Variants in AFF1 observed in about 807,000 individuals in gnomAD.
AFF1 encodes AF4/FMR2 family member 1.
Under a neutral mutation model 121.7 loss-of-function variants are expected in AFF1, and 48 were observed. The observed-to-expected ratio is 0.39, with a 90% confidence interval of 0.31 to 0.50. AFF1 has a LOEUF of 0.50. Ranked by LOEUF, AFF1 falls within the 20% of genes least tolerant of loss-of-function variation. The pLI, the probability that AFF1 is intolerant of heterozygous loss-of-function variation, is 0.76. For synonymous variants in AFF1, 613 were observed against 563.0 expected (o/e 1.09, Z -1.26); for missense variants, 1,523 against 1,511.7 (o/e 1.01, Z -0.12).
At chr4:87,037,442 G>A (rs1729677966) in intron 2 of AFF1, among the ~76,000 whole-genome samples, 1 of 152,108 alleles carries the variant, frequency 6.6e-6, no homozygotes, top group Non-Finnish European at 1.5e-5. Flanking sequence ...CTTCTGAGTA[G>A]CTGGGATTAC....
rs146349875 is a variant in AFF1, at chr4:86,951,903, C to T, written c.38+3332C>T. 6.6e-5 allele frequency among the ~76,000 whole-genome samples: 10 copies of T among 151,126 alleles called. 1 individual carries two copies. Among genetic ancestry groups the T allele is most frequent in the East Asian group, 1.9e-4 (1 of 5,160 alleles). On this transcript the variant is annotated intron_variant, in intron 2 of 20. Transcript: ENST00000395146. ...TGCTGGGATTACAGGCGTGGGCCAC[C>T]ACATCTGGCTGGGAACCTTTTTTTT...
chr4:87,101,658 C>T (rs1205760508), intron 8 of AFF1, among the ~76,000 whole-genome samples: 1 of 152,042 alleles, frequency 6.6e-6, no homozygotes, highest in African/African-American at 2.4e-5. Flanking sequence ...TGCCATTGCC[C>T]ATCCTATCCC....
intron 2 of AFF1, among the ~76,000 whole-genome samples, chr4:87,035,932 CATT>C (rs1242658839): frequency 6.6e-6 from 1 of 152,136 alleles, no homozygotes; most frequent in Non-Finnish European, 1.5e-5. Context: ...TCACCAGCCT[CATT>C]ATTTTGCAGG....
intron 4 of AFF1, among the ~76,000 whole-genome samples, chr4:87,076,044 T>G (rs1722640632): frequency 6.6e-6 from 1 of 152,104 alleles, no homozygotes; most frequent in South Asian, 2.1e-4. Context: ...GGAGAAAGAT[T>G]AGAACACTAA....
intron 4 of AFF1, among the ~76,000 whole-genome samples, chr4:87,058,899 A>C (rs1720437416): frequency 6.6e-6 from 1 of 152,196 alleles, no homozygotes; most frequent in Non-Finnish European, 1.5e-5. Flanking sequence ...GTATTGGATG[A>C]ATTCGAGGAA....
intron 4 of AFF1, among the ~76,000 whole-genome samples, chr4:87,060,877 AC>A (rs1720716141): frequency 2.8e-5 from 4 of 144,974 alleles, no homozygotes; most frequent in East Asian, 2.0e-4. Flanking sequence ...ACACAAAAAA[AC>A]AACAACAAAA....
intron 1 of AFF1, among the ~76,000 whole-genome samples, chr4:86,936,938 A>G (rs954356749): frequency 6.6e-6 from 1 of 152,270 alleles, no homozygotes; most frequent in Non-Finnish European, 1.5e-5. Context: ...AGCCATTTTT[A>G]TGGAGAGAAA....
chr4:87,037,519 G>T (rs950330191), intron 2 of AFF1, among the ~76,000 whole-genome samples: 1 of 151,984 alleles, frequency 6.6e-6, no homozygotes, highest in Non-Finnish European at 1.5e-5. Flanking sequence ...CACCATGTTC[G>T]CCAGGCTAGT....
intron 2 of AFF1, among the ~76,000 whole-genome samples, chr4:87,016,231 C>T (rs370558961): frequency 6.9e-4 from 104 of 151,756 alleles, no homozygotes; most frequent in African/African-American, 2.3e-3. Context: ...TAAATTGAAT[C>T]GAGGTACGTT....
chr4:87,132,976 G>A (rs1269311690), intron 19 of AFF1, among the ~76,000 whole-genome samples: 5 of 152,228 alleles, frequency 3.3e-5, no homozygotes, highest in African/African-American at 4.8e-5. Context: ...TGCCACAGGC[G>A]TGAGCCACCG....
intron 2 of AFF1, 70 bp from the exon 3 acceptor site, chr4:87,046,096 A>C: frequency 6.3e-7 from 1 of 1,581,914 alleles, no homozygotes; most frequent in Non-Finnish European, 8.6e-7. Flanking sequence ...TCTCACATGT[A>C]AGTATGCCTG....
At position 87,136,353 on chromosome 4, in the gene AFF1, A is replaced by G. The variant is rs1729300809; in HGVS notation, c.*652A>G. The G allele has an allele frequency of 4.3e-6, 1 of 232,116 alleles. No individual in the cohort carries two copies. 14.4% of individuals were successfully genotyped at this position (232,116 alleles called of 1,614,324 possible). ...CGCTCCTGCCGCCCCCAATCTCCCC[A>G]TTGCCTAGAGCGCTGCACATTGACC... On this transcript the variant is annotated 3_prime_UTR_variant, in exon 21 of 21. Transcript: ENST00000395146.
intron 5 of AFF1, among the ~76,000 whole-genome samples, chr4:87,086,594 C>T (rs1367065941): frequency 6.6e-6 from 1 of 152,168 alleles, no homozygotes; most frequent in Non-Finnish European, 1.5e-5. Flanking sequence ...ATATTGGAGT[C>T]TGCCCCTTCT....
rs200145996 is a variant in AFF1 at position 87,012,217 on chromosome 4, C to T, written c.39-33949C>T. The stretch of plus-strand genomic sequence containing the variant: ...GTTAGCAAACTTCTCCATTTCATTT[C>T]TTGTTTTTTTTTTTTTTTGTATAAC... On this transcript the variant is annotated intron_variant, in intron 2 of 20. Transcript: ENST00000395146. Among the ~76,000 whole-genome samples the T allele has an allele frequency of 5.9e-4, 68 of 114,970 alleles. 1 individual carries two copies. Among genetic ancestry groups the T allele is most frequent in the Middle Eastern group, 5.4e-3 (1 of 186 alleles). The allele number at this position is 114,970 out of a possible 152,430, so 75.4% of individuals were successfully genotyped here.
intron 2 of AFF1, among the ~76,000 whole-genome samples, chr4:86,975,847 G>A (rs1723262638): frequency 1.3e-5 from 2 of 152,146 alleles, no homozygotes; most frequent in Admixed American, 6.5e-5. Flanking sequence ...ACTGTGAAGG[G>A]GGAAAAGCCC....
intron 2 of AFF1, among the ~76,000 whole-genome samples, chr4:87,041,804 C>T (rs1730184631): frequency 6.6e-6 from 1 of 152,042 alleles, no homozygotes; most frequent in South Asian, 2.1e-4. Context: ...CACTTGAGGT[C>T]AGGAGTTTGA....
At chr4:86,960,478 C>T (rs541374408) in intron 2 of AFF1, among the ~76,000 whole-genome samples, 12 of 152,152 alleles carry the variant, frequency 7.9e-5, no homozygotes, top group Non-Finnish European at 1.5e-4. Flanking sequence ...GAAAAAGGTC[C>T]GTTTTTAAGT....
intron 4 of AFF1, among the ~76,000 whole-genome samples, chr4:87,079,712 C>A (rs1467160428): frequency 6.6e-6 from 1 of 152,166 alleles, no homozygotes; most frequent in Non-Finnish European, 1.5e-5. Context: ...TCAGTCTCCT[C>A]GTTTTATTTT....
intron 2 of AFF1, among the ~76,000 whole-genome samples, chr4:87,011,078 CAAAAAAA>C (rs10715968): frequency 1.4e-5 from 1 of 70,778 alleles, no homozygotes; most frequent in African/African-American, 4.9e-5. Flanking sequence ...GACTCCGTCT[CAAAAAAA>C]AAAAAAAAAA....
Sources: allele counts gnomAD v4.1 joint callset (sites outside exome capture counted in the v4.1 genomes callset), GRCh38; gene constraint gnomAD v4.1.1; transcripts MANE v1.5; gene names NCBI Gene and HGNC (gene_info 2026-07-23, HGNC 2026-07-21).